The following DHRSX variants were observed in gnomAD, a reference collection of about 807,000 sequenced individuals.
The protein encoded by DHRSX is dehydrogenase/reductase X-linked.
A neutral mutation model predicts 34.0 loss-of-function variants in DHRSX; 31 were observed. That is an observed-to-expected ratio of 0.91 (90% CI 0.69 to 1.23). The LOEUF is 1.23. Among genes scored for constraint, DHRSX ranks in the 50% most tolerant of loss-of-function variants. The pLI is 0.00. For synonymous variants in DHRSX, 201 were observed against 183.8 expected (o/e 1.09, Z -0.76); for missense variants, 414 against 428.1 (o/e 0.97, Z 0.29).
chrX:2,257,452 C>T (rs760938052), intron 5 of DHRSX, among the ~76,000 whole-genome samples: 1 of 152,334 alleles, frequency 6.6e-6, no homozygotes, highest in African/African-American at 2.4e-5. Context: ...CTACCACCAT[C>T]TGGTCATCTA....
chrX:2,439,958 G>C (rs2044042386), intron 1 of DHRSX, among the ~76,000 whole-genome samples: 3 of 152,136 alleles, frequency 2.0e-5, no homozygotes, highest in Admixed American at 2.0e-4. Context: ...GGATGCAAGA[G>C]ATGCTAAAAT....
chrX:2,259,536 T>C (rs1221243858), intron 5 of DHRSX, among the ~76,000 whole-genome samples: 20 of 152,092 alleles, frequency 1.3e-4, no homozygotes, highest in Admixed American at 1.3e-3. Flanking sequence ...TTGATCTGCT[T>C]TGCAATCTGT....
At chrX:2,316,778 C>G (rs2042246177) in intron 3 of DHRSX, among the ~76,000 whole-genome samples, 1 of 152,180 alleles carries the variant, frequency 6.6e-6, no homozygotes, top group Non-Finnish European at 1.5e-5. Context: ...TCGCCAAGAT[C>G]TGATGGCAAA....
At chrX:2,471,058 G>C (rs1196766659) in intron 1 of DHRSX, among the ~76,000 whole-genome samples, 1 of 152,046 alleles carries the variant, frequency 6.6e-6, no homozygotes, top group Non-Finnish European at 1.5e-5. Context: ...ACATCACGTT[G>C]TACCTCATAT....
intron 2 of DHRSX, among the ~76,000 whole-genome samples, chrX:2,423,740 G>GC (rs1185681797): frequency 2.0e-5 from 3 of 151,238 alleles, no homozygotes; most frequent in African/African-American, 7.3e-5. Flanking sequence ...CCTCCTCCCC[G>GC]CCCCCCACTC....
intron 4 of DHRSX, among the ~76,000 whole-genome samples, chrX:2,271,337 T>C (rs2041551690): frequency 6.6e-6 from 1 of 152,120 alleles, no homozygotes; most frequent in South Asian, 2.1e-4. Flanking sequence ...CAAGAAGGAA[T>C]AAATTCTGGA....
intron 1 of DHRSX, among the ~76,000 whole-genome samples, chrX:2,438,386 C>T (rs1351923070): frequency 6.6e-6 from 1 of 150,692 alleles, no homozygotes; most frequent in East Asian, 2.0e-4. Context: ...AGACTGCAAA[C>T]CGGCCACGTG....
At chrX:2,307,793 AAAAATAAAAT>A (rs1251138953) in intron 3 of DHRSX, among the ~76,000 whole-genome samples, 21 of 138,712 alleles carry the variant, frequency 1.5e-4, no homozygotes, top group Admixed American at 2.7e-4. Context: ...TAAAAATAAA[AAAAATAAAAT>A]AAAAAACAAG....
At chrX:2,473,665 C>G (rs2044628833) in intron 1 of DHRSX, among the ~76,000 whole-genome samples, 1 of 141,496 alleles carries the variant, frequency 7.1e-6, no homozygotes, top group African/African-American at 2.9e-5. Context: ...TGCACAGAGG[C>G]AGCCAGGACA....
chrX:2,327,970 C>G (rs1200833402), intron 3 of DHRSX, among the ~76,000 whole-genome samples: 1 of 151,714 alleles, frequency 6.6e-6, no homozygotes, highest in Non-Finnish European at 1.5e-5. Context: ...GTTCCAGCTA[C>G]TTGGGAGGCT....
At chrX:2,452,496 C>T (rs1207862347) in intron 1 of DHRSX, among the ~76,000 whole-genome samples, 1 of 150,768 alleles carries the variant, frequency 6.6e-6, no homozygotes, top group African/African-American at 2.4e-5. Context: ...CCTAACCATG[C>T]GCCCAAGGGA....
At chrX:2,285,076 T>C (rs1251652157) in intron 4 of DHRSX, among the ~76,000 whole-genome samples, 1 of 152,168 alleles carries the variant, frequency 6.6e-6, no homozygotes, top group Non-Finnish European at 1.5e-5. Flanking sequence ...CCAACCTTTT[T>C]GGCACCAGGG....
intron 1 of DHRSX, chrX:2,488,648 C>T (rs868024617): frequency 6.2e-7 from 1 of 1,604,840 alleles, no homozygotes; most frequent in Middle Eastern, 1.8e-4. Context: ...CAGGAAGCTG[C>T]TGTCCCTAAT....
chrX:2,438,067 T>C (rs2044017130), intron 1 of DHRSX, among the ~76,000 whole-genome samples: 2 of 149,862 alleles, frequency 1.3e-5, no homozygotes, highest in African/African-American at 4.9e-5. Flanking sequence ...ATCCCAGCAC[T>C]TTGGGAGGCC....
chrX:2,244,551 AAGG>A (rs1177290301), intron 5 of DHRSX, among the ~76,000 whole-genome samples: 5 of 152,178 alleles, frequency 3.3e-5, no homozygotes, highest in Admixed American at 6.6e-5. Flanking sequence ...TCAATAAGAC[AAGG>A]AGAAGTATTT....
At chrX:2,270,066 T>A (rs975877875) in intron 4 of DHRSX, among the ~76,000 whole-genome samples, 1 of 152,182 alleles carries the variant, frequency 6.6e-6, no homozygotes, top group Non-Finnish European at 1.5e-5. Context: ...CGTAGGTGTA[T>A]ACATTTTTTG....
At chrX:2,274,012 A>G (rs1438203728) in intron 4 of DHRSX, among the ~76,000 whole-genome samples, 1 of 152,094 alleles carries the variant, frequency 6.6e-6, no homozygotes, top group Admixed American at 6.6e-5. Context: ...AGCTACTGCG[A>G]GTAATTACGT....
intron 1 of DHRSX, among the ~76,000 whole-genome samples, chrX:2,431,157 C>G (rs1159457420): frequency 6.6e-6 from 1 of 152,010 alleles, no homozygotes; most frequent in Admixed American, 6.6e-5. Context: ...AACCCGGTCT[C>G]TACTAAAAAT....
Position 2,495,399 on chromosome X carries a change from T to C in DHRSX, c.109+5418A>G, listed in dbSNP as rs190127856. ...TATTATTTAGGTGAACAAAGGTTTC[T>C]ATTCTATTATGATGATCATCATTTG... On this transcript the variant is annotated intron_variant, in intron 1 of 6. Transcript: ENST00000334651. Among the ~76,000 whole-genome samples, 698 of 152,216 alleles carry C rather than the reference T, an allele frequency of 4.6e-3. 1 individual carries two copies. Among genetic ancestry groups the C allele is most frequent in the Non-Finnish European group, 6.6e-3 (447 of 68,014 alleles).
Sources: allele counts gnomAD v4.1 joint callset (sites outside exome capture counted in the v4.1 genomes callset), GRCh38; gene constraint gnomAD v4.1.1; transcripts MANE v1.5; gene names NCBI Gene and HGNC (gene_info 2026-07-23, HGNC 2026-07-21).